WWOX: variants seen among roughly 807,000 people sequenced by gnomAD.
WWOX encodes the protein WW domain-containing oxidoreductase.
Under a neutral mutation model 46.2 loss-of-function variants are expected in WWOX, and 69 were observed. The observed-to-expected ratio is 1.49, with a 90% CI of 1.23 to 1.82. The LOEUF is 1.82. Among genes scored for constraint, WWOX ranks in the 40% most tolerant of loss-of-function variants. The probability of loss-of-function intolerance (pLI) is 0.00; values close to 1 mark genes in which losing one functional copy is unlikely to be tolerated. For missense variants in WWOX, 919 were observed against 542.6 expected, an observed-to-expected ratio of 1.69 and a Z score of -6.89; for synonymous variants, 359 against 202.6, an observed-to-expected ratio of 1.77 and a Z score of -6.56.
intron 8 of WWOX, among the ~76,000 whole-genome samples, chr16:79,039,519 C>T (rs1212411460): frequency 1.3e-5 from 2 of 152,118 alleles, no homozygotes; most frequent in African/African-American, 4.8e-5. Context: ...CAGTTGGGTC[C>T]CAAGCAGAAT....
intron 1 of WWOX, among the ~76,000 whole-genome samples, chr16:78,101,663 G>A (rs2031800808): frequency 2.0e-5 from 3 of 152,026 alleles, no homozygotes. Flanking sequence ...CCTCTCCCTT[G>A]GTAGGTTGTA....
chr16:78,547,151 A>G lies in WWOX; in HGVS notation c.1056+114399A>G, dbSNP rs902323593. Among the ~76,000 whole-genome samples the G allele has an allele frequency of 4.5e-4, 53 of 118,046 alleles. 2 individuals are homozygous for G. Among genetic ancestry groups the G allele is most frequent in the East Asian group, 1.3e-3 (5 of 3,770 alleles). The allele number at this position is 118,046 out of a possible 152,430, so 77.4% of individuals were successfully genotyped here. A position where few individuals can be genotyped will look rare whatever the true frequency, so the allele number is the denominator to read the frequency against. On this transcript the variant is annotated intron_variant, in intron 8 of 8. Transcript: ENST00000566780. ...AGAAAAAAAAAAAAAAAAAAAAAAA[A>G]AAAAAAAACAACTACCAGGCCTGTT...
intron 5 of WWOX, among the ~76,000 whole-genome samples, chr16:78,321,289 T>TAC (rs1555519129): frequency 3.2e-5 from 4 of 124,328 alleles, no homozygotes; most frequent in Non-Finnish European, 4.8e-5. Flanking sequence ...TATATATATA[T>TAC]ACGTATATAT....
intron 8 of WWOX, among the ~76,000 whole-genome samples, chr16:78,849,593 G>GAA (rs2052390748): frequency 9.7e-6 from 1 of 103,260 alleles, no homozygotes; most frequent in Non-Finnish European, 2.1e-5. Context: ...AAAAAAAAAA[G>GAA]AAAACAACTA....
intron 8 of WWOX, among the ~76,000 whole-genome samples, chr16:78,926,102 C>T (rs901453493): frequency 5.9e-5 from 9 of 152,080 alleles, no homozygotes; most frequent in African/African-American, 1.9e-4. Context: ...AATTGTAGAA[C>T]CCTAAGAAAA....
chr16:78,943,717 C>T (rs1259985965), intron 8 of WWOX, among the ~76,000 whole-genome samples: 1 of 152,184 alleles, frequency 6.6e-6, no homozygotes, highest in East Asian at 1.9e-4. Context: ...ATGGGACCAG[C>T]AGTAAAAGGT....
chr16:78,187,696 T>C (rs765315030), intron 5 of WWOX, among the ~76,000 whole-genome samples: 4 of 152,200 alleles, frequency 2.6e-5, no homozygotes, highest in African/African-American at 4.8e-5. Flanking sequence ...TGACATTGTG[T>C]AACAGAAATC....
intron 8 of WWOX, among the ~76,000 whole-genome samples, chr16:78,967,803 A>G (rs1597217037): frequency 1.3e-5 from 2 of 152,142 alleles, no homozygotes; most frequent in East Asian, 3.9e-4. Context: ...GGGGTGTGTA[A>G]GAGTAGGAGA....
intron 8 of WWOX, among the ~76,000 whole-genome samples, chr16:79,095,481 C>T (rs752790939): frequency 1.6e-4 from 24 of 152,288 alleles, no homozygotes; most frequent in Non-Finnish European, 2.9e-4. Context: ...AGGATGGCTT[C>T]TGGTTTCTGC....
At chr16:78,674,920 G>A (rs867238685) in intron 8 of WWOX, among the ~76,000 whole-genome samples, 1 of 151,800 alleles carries the variant, frequency 6.6e-6, no homozygotes, top group Non-Finnish European at 1.5e-5. Context: ...AGACCAAGGT[G>A]TATGCATGGG....
intron 8 of WWOX, among the ~76,000 whole-genome samples, chr16:78,849,366 TC>T (rs1020738924): frequency 7.9e-5 from 12 of 151,220 alleles, no homozygotes; most frequent in Non-Finnish European, 1.8e-4. Flanking sequence ...GGTCGGGAGA[TC>T]GAGACTATCC....
At position 79,180,723 on chromosome 16, in the gene WWOX, C is replaced by G. The variant is rs539062676; in HGVS notation, c.1057-30885C>G. Among the ~76,000 whole-genome samples the G allele has an allele frequency of 8.6e-4, 129 of 149,796 alleles. 3 individuals are homozygous for G. The South Asian group carries it at 0.025, about 29-fold the overall frequency. On this transcript the variant is annotated intron_variant, in intron 8 of 8. Transcript: ENST00000566780. Reference sequence around the variant, plus strand: ...ATTTCTTCATTCCTTTCTTGTCTCCCTGTCTATCTGTCTGTGTATATCTAT... The same window carrying G: ...ATTTCTTCATTCCTTTCTTGTCTCCGTGTCTATCTGTCTGTGTATATCTAT...
intron 1 of WWOX, among the ~76,000 whole-genome samples, chr16:78,107,441 A>T (rs1439111092): frequency 6.6e-6 from 1 of 152,208 alleles, no homozygotes; most frequent in African/African-American, 2.4e-5. Flanking sequence ...GCCAAGTGCT[A>T]TGCGAAACCC....
chr16:79,021,611 C>T lies in WWOX; in HGVS notation c.1057-189997C>T, dbSNP rs182396818. ...ACGATGTTTGGAAATAGCTGCGACT[C>T]TCGCGTGATAGGAAAATATCTGTGA... On this transcript the variant is annotated intron_variant, in intron 8 of 8. Transcript: ENST00000566780. Among the ~76,000 whole-genome samples, 5 of 152,322 alleles carry T rather than the reference C, an allele frequency of 3.3e-5. No homozygotes were observed. The South Asian group carries it at 1.0e-3, about 32-fold the overall frequency.
intron 8 of WWOX, among the ~76,000 whole-genome samples, chr16:78,823,690 C>A (rs112621189): frequency 1.3e-5 from 2 of 152,032 alleles, no homozygotes; most frequent in Admixed American, 1.3e-4. Flanking sequence ...CATTTAAGGC[C>A]CGCCGAGCCT....
intron 8 of WWOX, among the ~76,000 whole-genome samples, chr16:78,663,934 A>G (rs1376377672): frequency 6.6e-6 from 1 of 152,204 alleles, no homozygotes; most frequent in African/African-American, 2.4e-5. Context: ...AACGCTATCA[A>G]GAGGGGGGCC....
intron 8 of WWOX, among the ~76,000 whole-genome samples, chr16:78,882,418 T>G (rs78201058): frequency 0.017 from 2,584 of 152,016 alleles, 76 homozygotes; most frequent in African/African-American, 0.059. Context: ...GTGCCTCCCA[T>G]TAAATCATCC....
At chr16:78,910,809 C>G (rs540873804) in intron 8 of WWOX, among the ~76,000 whole-genome samples, 36 of 151,964 alleles carry the variant, frequency 2.4e-4, no homozygotes, top group African/African-American at 8.2e-4. Context: ...ATTCAGTTAC[C>G]TCTCACCGGG....
At chr16:78,902,187 C>A (rs563194956) in intron 8 of WWOX, among the ~76,000 whole-genome samples, 1 of 152,180 alleles carries the variant, frequency 6.6e-6, no homozygotes, top group Non-Finnish European at 1.5e-5. Context: ...GCAGCTGATC[C>A]GGTGGTGTCT....
Sources: allele counts gnomAD v4.1 joint callset (sites outside exome capture counted in the v4.1 genomes callset), GRCh38; gene constraint gnomAD v4.1.1; transcripts MANE v1.5; gene names NCBI Gene and HGNC (gene_info 2026-07-23, HGNC 2026-07-21).